AUH: variants seen among roughly 807,000 people sequenced by gnomAD.
AUH encodes methylglutaconyl-CoA hydratase, mitochondrial.
A neutral mutation model predicts 42.3 loss-of-function variants in AUH; 29 were observed. That is an observed-to-expected ratio of 0.69 (90% CI 0.51 to 0.93). The LOEUF is 0.93. Among genes scored for constraint, AUH ranks in the 40% least tolerant of loss-of-function variants. The pLI, the probability that AUH is intolerant of heterozygous loss-of-function variation, is 0.00. For synonymous variants in AUH, 174 were observed against 166.4 expected, an observed-to-expected ratio of 1.05 and a Z score of -0.35; for missense variants, 452 against 438.1, an observed-to-expected ratio of 1.03 and a Z score of -0.28.
At chr9:91,345,850 A>AG (rs1831466136) in intron 3 of AUH, among the ~76,000 whole-genome samples, 1 of 150,598 alleles carries the variant, frequency 6.6e-6, no homozygotes, top group African/African-American at 2.4e-5. Flanking sequence ...AAAAAAAAAA[A>AG]GTACCCAGAG....
chr9:91,310,676 G>T (rs913784849), intron 4 of AUH, among the ~76,000 whole-genome samples: 4 of 152,194 alleles, frequency 2.6e-5, no homozygotes, highest in African/African-American at 9.7e-5. Flanking sequence ...TTGAGAAAAT[G>T]TTAAACTGAG....
rs549298291 is a variant in AUH, at chr9:91,310,865, A to G, written c.506-12789T>C. Among the ~76,000 whole-genome samples, 3 of 152,352 alleles carry G rather than the reference A, an allele frequency of 2.0e-5. No homozygotes were observed. In the South Asian group the frequency reaches 6.2e-4, roughly 32 times the overall value. On this transcript the variant is annotated intron_variant, in intron 4 of 9. Coordinates refer to ENST00000375731, the MANE Select transcript of AUH (RefSeq NM_001698.3). ...TTTGATTCCAATATCAAACCTCTGC[A>G]GAAGAGAGGCCAAGATGAAAGTTTG...
intron 6 of AUH, among the ~76,000 whole-genome samples, chr9:91,265,897 T>G (rs1297377696): frequency 6.6e-6 from 1 of 152,270 alleles, no homozygotes; most frequent in Non-Finnish European, 1.5e-5. Flanking sequence ...CATTTGTTGA[T>G]GCCTCCTTTC....
chr9:91,325,615 C>T (rs766469075), intron 3 of AUH, among the ~76,000 whole-genome samples: 13 of 152,134 alleles, frequency 8.5e-5, no homozygotes, highest in East Asian at 1.9e-4. Flanking sequence ...GTGCTTAAAG[C>T]GGTGCTTCTC....
intron 3 of AUH, among the ~76,000 whole-genome samples, chr9:91,352,171 A>AT: frequency 6.6e-6 from 1 of 152,242 alleles, no homozygotes; most frequent in African/African-American, 2.4e-5. Context: ...GCTACTCAGG[A>AT]GACTGAGGCA....
intron 6 of AUH, chr9:91,294,668 G>C (rs1487139011): frequency 2.2e-6 from 1 of 455,560 alleles, no homozygotes; most frequent in Non-Finnish European, 4.4e-6. Flanking sequence ...TGCCATTCTA[G>C]ATCCCTTTAA....
intron 4 of AUH, among the ~76,000 whole-genome samples, chr9:91,310,687 C>A (rs1241668291): frequency 6.6e-6 from 1 of 152,150 alleles, no homozygotes; most frequent in Non-Finnish European, 1.5e-5. Context: ...TTAAACTGAG[C>A]AGATCTTGTG....
intron 3 of AUH, among the ~76,000 whole-genome samples, chr9:91,349,555 T>C (rs1310963303): frequency 6.6e-6 from 1 of 152,212 alleles, no homozygotes; most frequent in Admixed American, 6.5e-5. Context: ...CAGACTTCTT[T>C]AGAATTTTGT....
At chr9:91,351,343 A>G (rs531139030) in intron 3 of AUH, among the ~76,000 whole-genome samples, 1 of 152,312 alleles carries the variant, frequency 6.6e-6, no homozygotes, top group South Asian at 2.1e-4. Context: ...AACTCTCTCT[A>G]TGCTTGTAAC....
At chr9:91,247,824 G>T (rs1283693896) in intron 6 of AUH, among the ~76,000 whole-genome samples, 1 of 152,180 alleles carries the variant, frequency 6.6e-6, no homozygotes. Flanking sequence ...TTAGTGAAGT[G>T]TCTGCTTAAA....
intron 6 of AUH, among the ~76,000 whole-genome samples, chr9:91,288,973 T>TAAAGA (rs1031352519): frequency 1.3e-5 from 2 of 152,110 alleles, no homozygotes; most frequent in African/African-American, 4.8e-5. Context: ...AAAGCTCAGG[T>TAAAGA]AAAGAAAACA....
At chr9:91,247,428 C>G (rs920592400) in intron 6 of AUH, among the ~76,000 whole-genome samples, 1 of 152,144 alleles carries the variant, frequency 6.6e-6, no homozygotes, top group Non-Finnish European at 1.5e-5. Context: ...CTCACTCTCA[C>G]AGCTGCACGC....
intron 6 of AUH, among the ~76,000 whole-genome samples, chr9:91,272,997 T>C (rs1825271084): frequency 6.6e-6 from 1 of 152,196 alleles, no homozygotes; most frequent in African/African-American, 2.4e-5. Flanking sequence ...GCTGTATCAG[T>C]CAAGTTTCTT....
intron 4 of AUH, among the ~76,000 whole-genome samples, chr9:91,304,547 C>G (rs1828062809): frequency 6.6e-6 from 1 of 152,194 alleles, no homozygotes; most frequent in South Asian, 2.1e-4. Flanking sequence ...CCTTCCTTAA[C>G]TCTTAACAGC....
chr9:91,313,722 A>AG (rs1023532455), intron 4 of AUH, among the ~76,000 whole-genome samples: 5 of 151,482 alleles, frequency 3.3e-5, no homozygotes, highest in African/African-American at 1.2e-4. Context: ...AAAAAAAAAA[A>AG]AAAAAAAAAG....
intron 6 of AUH, among the ~76,000 whole-genome samples, chr9:91,261,189 T>C (rs117300170): frequency 0.022 from 3,422 of 152,264 alleles, 49 homozygotes; most frequent in Non-Finnish European, 0.032. Flanking sequence ...CTAGATATTA[T>C]GTAATTTTGT....
At chr9:91,354,514 C>A (rs1030783855) in intron 3 of AUH, among the ~76,000 whole-genome samples, 1 of 152,120 alleles carries the variant, frequency 6.6e-6, no homozygotes, top group African/African-American at 2.4e-5. Flanking sequence ...TGTGCTAAAG[C>A]ATTAAAGCTT....
chr9:91,353,455 C>G (rs1237746662), intron 3 of AUH, among the ~76,000 whole-genome samples: 3 of 152,136 alleles, frequency 2.0e-5, no homozygotes, highest in African/African-American at 4.8e-5. Flanking sequence ...CCACATTCCT[C>G]AACAATAACT....
intron 6 of AUH, among the ~76,000 whole-genome samples, chr9:91,251,033 TGCA>T (rs1411358633): frequency 2.0e-5 from 3 of 152,330 alleles, no homozygotes; most frequent in Non-Finnish European, 4.4e-5. Context: ...CACACACGGC[TGCA>T]GCAGAAGAGA....
Sources: gnomAD v4.1 joint callset for allele counts (sites outside exome capture counted in the v4.1 genomes callset) on GRCh38, gnomAD v4.1.1 for gene constraint, MANE v1.5 for transcripts, NCBI Gene and HGNC (gene_info 2026-07-23, HGNC 2026-07-21) for gene names.